CES4A: variants seen among roughly 807,000 people sequenced by gnomAD.
CES4A encodes carboxylesterase 4A, also known as carboxylesterase 6.
A neutral mutation model predicts 65.4 loss-of-function variants in CES4A; 48 were observed. The observed-to-expected ratio is 0.73, with a 90% CI of 0.58 to 0.93. The LOEUF is 0.93. Ranked by LOEUF, CES4A falls within the 40% of genes least tolerant of loss-of-function variation. CES4A has a pLI of 0.00. For missense variants in CES4A, 685 were observed against 728.5 expected (o/e 0.94, Z 0.69); for synonymous variants, 247 against 281.8 (o/e 0.88, Z 1.24).
At chr16:66,995,674 C>A (rs1334161637) in exon 2 of CES4A, 4 of 1,614,054 alleles carry the variant, frequency 2.5e-6, no homozygotes, top group African/African-American at 2.7e-5. Context: ...AATATGGAAC[C>A]CTGCAAGGAA....
At chr16:66,995,312 AAAAT>A (rs56832373) in intron 1 of CES4A, among the ~76,000 whole-genome samples, 11 of 151,362 alleles carry the variant, frequency 7.3e-5, no homozygotes, top group East Asian at 3.9e-4. Context: ...TCCATCTCAA[AAAAT>A]AAATAAATAA....
chr16:67,009,948 C>A (rs1966047399), downstream of CES4A, among the ~76,000 whole-genome samples: 1 of 152,136 alleles, frequency 6.6e-6, no homozygotes, highest in Non-Finnish European at 1.5e-5. Flanking sequence ...CAGCCACACC[C>A]CACGCTCACT....
intron 1 of CES4A, among the ~76,000 whole-genome samples, chr16:66,991,989 TAA>T (rs1318156701): frequency 6.6e-6 from 1 of 152,098 alleles, no homozygotes; most frequent in Non-Finnish European, 1.5e-5. Context: ...TGAGATAATT[TAA>T]AGTGTTTGGC....
intron 1 of CES4A, among the ~76,000 whole-genome samples, chr16:66,992,771 G>A (rs749450926): frequency 2.6e-5 from 4 of 152,096 alleles, no homozygotes; most frequent in Admixed American, 1.3e-4. Context: ...TCCTCCTCGC[G>A]GGTTCAAGAG....
intron 1 of CES4A, among the ~76,000 whole-genome samples, chr16:66,993,969 C>T (rs968182393): frequency 2.0e-5 from 3 of 151,236 alleles, no homozygotes; most frequent in Admixed American, 6.6e-5. Flanking sequence ...GGCATGGTGG[C>T]GGGTGCCTGT....
chr16:67,003,962 G>A lies in CES4A; in HGVS notation c.940-122G>A. On this transcript the variant is annotated intron_variant, in intron 8 of 13. Coordinates refer to ENST00000648724, the Ensembl canonical transcript of CES4A. The surrounding 1 kb of genome is among the most constrained non-coding windows in gnomAD (Gnocchi z 4.2). ...CATCCTCCTGGGGCTCACCATGCCA[G>A]CCCCAGCCTTTTCCCAATCAAAGAA... The A allele has an allele frequency of 9.5e-7, 1 of 1,053,252 alleles. No individual in the cohort carries two copies. The highest frequency in any genetic ancestry group is 1.5e-5 in the South Asian group (1 of 68,580). The allele number at this position is 1,053,252 out of a possible 1,614,324, so 65.2% of individuals were successfully genotyped here. A position where few individuals can be genotyped will look rare whatever the true frequency, so the allele number is the denominator to read the frequency against.
In CES4A at chr16:67,000,278, C is replaced by T. The variant is rs1435560823; in HGVS notation, c.261-360C>T. On this transcript the variant is annotated intron_variant, in intron 2 of 13. Coordinates refer to ENST00000648724, the Ensembl canonical transcript of CES4A. This position sits in a 1 kb window ranked among gnomAD's most constrained non-coding sequence, Gnocchi z 4.2. ...CAGAGATGGGGATGGAGGGGAGGGA[C>T]CATATTCCAGAGCTGTTTGGGAGGC... Among the ~76,000 whole-genome samples the T allele has an allele frequency of 6.6e-6, 1 of 151,976 alleles. No homozygotes were observed. Among genetic ancestry groups the T allele is most frequent in the African/African-American group, 2.4e-5 (1 of 41,372 alleles).
rs1056524332 is a variant in CES4A at position 67,003,438 on chromosome 16, T to A, written c.901-77T>A. The A allele has an allele frequency of 2.6e-5, 42 of 1,588,584 alleles. No individual in the cohort carries two copies. Among genetic ancestry groups the A allele is most frequent in the Middle Eastern group, 3.3e-4 (2 of 6,020 alleles). ...ATCCTGGTACCCAGCCACCCCCAAC[T>A]ACTTCCCCAGGGACCCTGTCTCAAG... On this transcript the variant is annotated intron_variant, in intron 7 of 13. Transcript: ENST00000648724. This position sits in a 1 kb window ranked among gnomAD's most constrained non-coding sequence, Gnocchi z 4.2.
At chr16:67,004,251 C>G (rs780812825) in intron 9 of CES4A, 27 bp downstream of exon 9, 2 of 1,613,282 alleles carry the variant, frequency 1.2e-6, no homozygotes, top group Non-Finnish European at 1.7e-6. Flanking sequence ...TCAATTGGCT[C>G]TTGCCTTACG....
intron 9 of CES4A, among the ~76,000 whole-genome samples, chr16:67,004,495 T>C (rs1416190425): frequency 6.6e-6 from 1 of 152,154 alleles, no homozygotes; most frequent in Non-Finnish European, 1.5e-5. Flanking sequence ...TGATGTTCAT[T>C]CCCAAGCCTC....
rs370779149 is a variant in CES4A at position 66,995,241 on chromosome 16, C to T, written c.59-387C>T. Among the ~76,000 whole-genome samples the T allele has an allele frequency of 2.7e-5, 4 of 145,960 alleles. No homozygotes were observed. In the East Asian group the frequency reaches 6.3e-4, roughly 23 times the overall value. ...AGGAGAATGGCGTGAATCTGGGAGG[C>T]GGAGCTTGCAGTGAGCCGAGATTGC... On this transcript the variant is annotated intron_variant, in intron 1 of 13. Transcript: ENST00000648724.
chr16:67,003,672 C>A lies in CES4A; in HGVS notation c.939+119C>A. 1.2e-6 allele frequency: 1 copy of A among 827,770 alleles called. No homozygotes were observed. Among genetic ancestry groups the A allele is most frequent in the Non-Finnish European group, 2.1e-6 (1 of 473,834 alleles). The allele number at this position is 827,770 out of a possible 1,614,324, so 51.3% of individuals were successfully genotyped here. A position where few individuals can be genotyped will look rare whatever the true frequency, so the allele number is the denominator to read the frequency against. Reference sequence around the variant, plus strand: ...CCCTTCCCTAGTGGAGCTGATGTTCCAGTGGGGAAGGAGAATAAACCCTAT... The same window carrying A: ...CCCTTCCCTAGTGGAGCTGATGTTCAAGTGGGGAAGGAGAATAAACCCTAT... On this transcript the variant is annotated intron_variant, in intron 8 of 13. Coordinates refer to ENST00000648724, the Ensembl canonical transcript of CES4A. The surrounding 1 kb of genome is among the most constrained non-coding windows in gnomAD (Gnocchi z 4.2).
At chr16:67,004,117 G>A (rs750631433) in exon 9 of CES4A, 12 of 1,614,188 alleles carry the variant, frequency 7.4e-6, no homozygotes, top group Non-Finnish European at 1.0e-5. Flanking sequence ...GGTGGATGGT[G>A]TGGTGATCCC....
At chr16:66,989,437 G>A (rs1964196227) in intron 1 of CES4A, among the ~76,000 whole-genome samples, 1 of 151,976 alleles carries the variant, frequency 6.6e-6, no homozygotes, top group African/African-American at 2.4e-5. Context: ...GCTCATGCCT[G>A]TAATTCCAGC....
chr16:66,995,083 G>A (rs938124213), intron 1 of CES4A, among the ~76,000 whole-genome samples: 13 of 151,782 alleles, frequency 8.6e-5, no homozygotes, highest in Admixed American at 2.0e-4. Flanking sequence ...AGGCCAAGGC[G>A]GGCAGATCAC....
At chr16:66,994,564 G>A (rs1299674269) in intron 1 of CES4A, among the ~76,000 whole-genome samples, 1 of 151,350 alleles carries the variant, frequency 6.6e-6, no homozygotes, top group Admixed American at 6.6e-5. Flanking sequence ...AAATGAGGTC[G>A]GGCACGGTGG....
exon 1 of CES4A, chr16:66,988,613 G>A (rs1964136856): frequency 7.0e-7 from 1 of 1,432,670 alleles, no homozygotes; most frequent in African/African-American, 1.4e-5. Context: ...GGGCTGGTCA[G>A]AAGCTGGTTA....
rs574184459 is a variant in CES4A, at chr16:66,995,789, C to G, written c.220C>G (p.Pro74Ala). 1.9e-6 allele frequency: 3 copies of G among 1,614,146 alleles called. No homozygotes were observed. The African/African-American group carries it at 4.0e-5, about 22-fold the overall frequency. ...GTTTGCACCTCCAGAACCCCCGGAG[C>G]CCTGGAAAGGAATCAGAGATGCTAC... Residue 74 changes from proline (P) to alanine (A), a missense_variant, in exon 2 of 14, where the codon CCC (proline) becomes GCC (alanine). Physicochemically the swap from Pro to Ala is conservative, Grantham distance 27. Coordinates refer to ENST00000648724, the Ensembl canonical transcript of CES4A.
At chr16:66,989,066 G>A (rs1964169711) in intron 1 of CES4A, among the ~76,000 whole-genome samples, 1 of 152,134 alleles carries the variant, frequency 6.6e-6, no homozygotes, top group South Asian at 2.1e-4. Context: ...CCCGGCACAG[G>A]TGAAGGGGTC....
Sources: gnomAD v4.1 joint callset for allele counts (sites outside exome capture counted in the v4.1 genomes callset) on GRCh38, gnomAD v4.1.1 for gene constraint, Gnocchi (gnomAD v3.1) non-coding constraint, MANE v1.5 for transcripts, NCBI Gene and HGNC (gene_info 2026-07-23, HGNC 2026-07-21) for gene names.